The following REPS2 variants were observed in gnomAD, a reference collection of about 807,000 sequenced individuals.
REPS2 encodes RALBP1 associated Eps domain containing 2.
In REPS2, 23 loss-of-function variants were observed where a neutral mutation model predicts 53.6. The ratio of observed to expected loss-of-function variants is 0.43; its 90% CI spans 0.31 to 0.61. The LOEUF (loss-of-function observed/expected upper bound fraction) is 0.61. Ranked by LOEUF, REPS2 falls within the 20% of genes least tolerant of loss-of-function variation. The pLI is 0.11. For missense variants in REPS2, 446 were observed against 534.9 expected (o/e 0.83, Z 1.64); for synonymous variants, 238 against 218.6 (o/e 1.09, Z -0.78).
chrX:17,180,686 G>A, the REPS2 span, among the ~76,000 whole-genome samples: 2 of 110,446 alleles, frequency 1.8e-5, no homozygotes, highest in Non-Finnish European at 1.9e-5. Context: ...AAAATTGTGG[G>A]GGCAAGTAAA....
At chrX:17,194,006 A>C in the REPS2 span, among the ~76,000 whole-genome samples, 1 of 111,692 alleles carries the variant, frequency 9.0e-6, no homozygotes, top group Non-Finnish European at 1.9e-5. Flanking sequence ...CTCTGCGTTC[A>C]TTTTAGCTGG....
the REPS2 span, among the ~76,000 whole-genome samples, chrX:17,176,274 T>C: frequency 8.9e-6 from 1 of 111,773 alleles, no homozygotes; most frequent in Non-Finnish European, 1.9e-5. Flanking sequence ...CCTTCCCTTC[T>C]CAGTGCTACT....
At chrX:17,186,710 G>A in the REPS2 span, among the ~76,000 whole-genome samples, 1 of 112,025 alleles carries the variant, frequency 8.9e-6, no homozygotes, top group East Asian at 2.8e-4. Flanking sequence ...CAGAAGCACA[G>A]GGAGATTAAG....
chrX:16,961,539 C>T (rs1375075441), intron 1 of REPS2, among the ~76,000 whole-genome samples: 1 of 111,632 alleles, frequency 9.0e-6, no homozygotes, highest in African/African-American at 3.3e-5. Context: ...CATTGAACTC[C>T]TAGAAGAAAA....
chrX:17,121,805 G>C (rs898302756), intron 14 of REPS2, among the ~76,000 whole-genome samples: 3 of 111,048 alleles, frequency 2.7e-5, no homozygotes, highest in Admixed American at 9.6e-5. Flanking sequence ...TCCGCTTCCC[G>C]GGTTCAAGCA....
At chrX:17,124,117 C>T (rs1031775457) in intron 14 of REPS2, among the ~76,000 whole-genome samples, 1 of 112,370 alleles carries the variant, frequency 8.9e-6, no homozygotes, top group African/African-American at 3.2e-5. Flanking sequence ...CCAGCTCACA[C>T]AATGAGCAAC....
chrX:16,996,106 A>G (rs1289253296), intron 1 of REPS2, among the ~76,000 whole-genome samples: 1 of 111,387 alleles, frequency 9.0e-6, no homozygotes, highest in Non-Finnish European at 1.9e-5. Context: ...ATATCAGGGA[A>G]GTGTCAGCAG....
At chrX:17,171,290 A>G in the REPS2 span, among the ~76,000 whole-genome samples, 2 of 112,046 alleles carry the variant, frequency 1.8e-5, no homozygotes, top group Non-Finnish European at 3.8e-5. Flanking sequence ...ACCTCACACC[A>G]TAACTAACCA....
At chrX:17,168,450 T>A in the REPS2 span, among the ~76,000 whole-genome samples, 1 of 110,742 alleles carries the variant, frequency 9.0e-6, no homozygotes, top group Non-Finnish European at 1.9e-5. Context: ...GAGGTGGAGG[T>A]TGCAGTGAGT....
intron 4 of REPS2, among the ~76,000 whole-genome samples, chrX:17,028,449 C>CAAAA (rs2061673272): frequency 8.9e-6 from 1 of 112,387 alleles, no homozygotes; most frequent in East Asian, 2.8e-4. Context: ...GTATGTTTTG[C>CAAAA]AGTTTTTATA....
chrX:17,142,996 A>G (rs2063466662), intron 17 of REPS2, among the ~76,000 whole-genome samples: 1 of 112,805 alleles, frequency 8.9e-6, no homozygotes. Flanking sequence ...AGTACTCAAC[A>G]GAGAAAAGAA....
chrX:17,067,336 C>T (rs1875032575), intron 9 of REPS2, among the ~76,000 whole-genome samples: 1 of 111,732 alleles, frequency 8.9e-6, no homozygotes, highest in Non-Finnish European at 1.9e-5. Context: ...ATGTTTTCAT[C>T]TATGTATATA....
chrX:17,056,411 C>T (rs959149583), intron 8 of REPS2, among the ~76,000 whole-genome samples: 9 of 112,204 alleles, frequency 8.0e-5, no homozygotes, highest in Admixed American at 1.9e-4. Flanking sequence ...AAAAATTAGC[C>T]GGGCGCAGTG....
Position 17,133,888 on chromosome X carries a change from A to C in REPS2, c.1643A>C (p.Glu548Ala). ...AGCAGAGCCCCATCCCAGGCTGCAG[A>C]AAGTAGTCCAGCAAAGAAGGTAAGG... ...QLSRAPSQAAESSPAKKDVLY... is the reference protein window; with the variant it reads ...QLSRAPSQAAASSPAKKDVLY... The change falls in exon 15 of 18, where the codon GAA becomes GCA. Residue 548 changes from glutamate (E) to alanine (A), a missense_variant. Physicochemically the swap from Glu to Ala is moderately radical, Grantham distance 107. Transcript: ENST00000357277. The C allele has an allele frequency of 8.3e-7, 1 of 1,210,442 alleles. No homozygotes were observed. The highest frequency in any genetic ancestry group is 1.1e-6 in the Non-Finnish European group (1 of 894,273).
At chrX:16,966,248 G>A (rs2060766975) in intron 1 of REPS2, among the ~76,000 whole-genome samples, 3 of 112,272 alleles carry the variant, frequency 2.7e-5, no homozygotes, top group Admixed American at 1.9e-4. Flanking sequence ...GTAAATAACA[G>A]CTCCCTGCTA....
At chrX:17,196,291 C>A in the REPS2 span, among the ~76,000 whole-genome samples, 1 of 111,585 alleles carries the variant, frequency 9.0e-6, no homozygotes, top group Non-Finnish European at 1.9e-5. Context: ...CCTAGGACTC[C>A]CAAAGTTGGG....
intron 1 of REPS2, among the ~76,000 whole-genome samples, chrX:16,967,558 G>A (rs1023049656): frequency 2.7e-5 from 3 of 110,565 alleles, no homozygotes; most frequent in African/African-American, 9.9e-5. Context: ...CAGCTACTTG[G>A]GAGGCTGAAG....
At chrX:17,135,638 G>A (rs1300491605) in intron 16 of REPS2, 2 of 313,134 alleles carry the variant, frequency 6.4e-6, no homozygotes, top group African/African-American at 5.5e-5. Flanking sequence ...TGTGGTGTTT[G>A]GTTTGGTTTG....
chrX:16,978,932 T>C (rs929296703), intron 1 of REPS2, among the ~76,000 whole-genome samples: 1 of 111,446 alleles, frequency 9.0e-6, no homozygotes, highest in South Asian at 3.8e-4. Flanking sequence ...GAGGCAAAAT[T>C]ATGAGGAAAG....
Sources: allele counts gnomAD v4.1 joint callset (sites outside exome capture counted in the v4.1 genomes callset), GRCh38; gene constraint gnomAD v4.1.1; transcripts MANE v1.5; gene names NCBI Gene and HGNC (gene_info 2026-07-23, HGNC 2026-07-21).